ADAMTS20: variants seen among roughly 807,000 people sequenced by gnomAD.
The protein encoded by ADAMTS20 is A disintegrin and metalloproteinase with thrombospondin motifs 20.
ADAMTS20 carries 225 observed loss-of-function variants against 260.1 expected under a neutral mutation model. The ratio of observed to expected loss-of-function variants is 0.87; its 90% CI spans 0.78 to 0.97. ADAMTS20 has a LOEUF of 0.97. Ranked by LOEUF, ADAMTS20 falls within the 50% of genes least tolerant of loss-of-function variation. The pLI is 0.00. For missense variants in ADAMTS20, 2,400 were observed against 2,337.7 expected, an observed-to-expected ratio of 1.03 and a Z score of -0.55; for synonymous variants, 802 against 769.5, an observed-to-expected ratio of 1.04 and a Z score of -0.70.
chr12:43,532,539 AC>A lies in ADAMTS20; in HGVS notation c.454-345del, dbSNP rs1194589038. ...GCTTTTGATCTGTGGGAAAATAGAT[AC>A]TTTTTTTTTTTAATGTTTTTTTTTT... is the stretch of plus-strand genomic sequence containing the variant. On this transcript the variant is annotated intron_variant, in intron 2 of 38. Coordinates refer to ENST00000389420, the MANE Select transcript of ADAMTS20 (RefSeq NM_025003.5). 4.5e-4 allele frequency among the ~76,000 whole-genome samples: 12 copies of A among 26,676 alleles called. No homozygotes were observed. In the Admixed American group the frequency reaches 5.1e-3, roughly 11 times the overall value. The allele number at this position is 26,676 out of a possible 152,430, so 17.5% of individuals were successfully genotyped here.
intron 7 of ADAMTS20, among the ~76,000 whole-genome samples, chr12:43,484,984 A>T (rs1426911766): frequency 2.0e-5 from 3 of 151,922 alleles, no homozygotes; most frequent in African/African-American, 7.2e-5. Context: ...TTCAAACAAG[A>T]ATTAGTATCA....
chr12:43,362,576 T>G (rs1474357521), intron 37 of ADAMTS20, among the ~76,000 whole-genome samples: 1 of 152,124 alleles, frequency 6.6e-6, no homozygotes, highest in Non-Finnish European at 1.5e-5. Flanking sequence ...ATGGACACTC[T>G]CTCCAGTGAA....
intron 31 of ADAMTS20, among the ~76,000 whole-genome samples, chr12:43,379,546 A>G (rs1347859537): frequency 1.3e-5 from 2 of 152,142 alleles, no homozygotes; most frequent in Admixed American, 6.6e-5. Context: ...ATGAGTGTTG[A>G]AGGCCACACC....
Position 43,425,576 on chromosome 12 carries a change from T to C in ADAMTS20, c.4222A>G (p.Ile1408Val), listed in dbSNP as rs762796905. Residue 1408 changes from isoleucine to valine, a missense_variant, in exon 28 of 39, where the codon ATA (isoleucine) becomes GTA (valine). Coordinates refer to ENST00000389420, the MANE Select transcript of ADAMTS20 (RefSeq NM_025003.5). Reference sequence around the variant, plus strand: ...GGGCAAGCATGCATATGACACTGTATTACGCTAGGTGGCTTGTTTACAATT... The same window carrying C: ...GGGCAAGCATGCATATGACACTGTACTACGCTAGGTGGCTTGTTTACAATT... Reference protein sequence around the residue: ...CEIVNKPPSVIQCHMHACPAD... With the variant: ...CEIVNKPPSVVQCHMHACPAD... The C allele has an allele frequency of 1.9e-5, 31 of 1,608,414 alleles. No individual in the cohort carries two copies. The highest frequency in any genetic ancestry group is 2.4e-5 in the Non-Finnish European group (28 of 1,176,634).
chr12:43,421,292 A>AAAAAAAAC (rs1268068395), intron 28 of ADAMTS20, among the ~76,000 whole-genome samples: 4 of 151,566 alleles, frequency 2.6e-5, no homozygotes, highest in Non-Finnish European at 4.4e-5. Flanking sequence ...CAAAAAAAAA[A>AAAAAAAAC]AAAAAACTTT....
At chr12:43,448,373 C>G (rs1216710018) in intron 14 of ADAMTS20, among the ~76,000 whole-genome samples, 2 of 151,942 alleles carry the variant, frequency 1.3e-5, no homozygotes, top group Non-Finnish European at 2.9e-5. Context: ...CAAAGCTGAT[C>G]AAAACAAGCA....
intron 29 of ADAMTS20, among the ~76,000 whole-genome samples, chr12:43,386,744 A>G (rs1469852993): frequency 6.6e-6 from 1 of 152,046 alleles, no homozygotes; most frequent in African/African-American, 2.4e-5. Flanking sequence ...TTGATCTTCA[A>G]TTTCTGATAT....
At chr12:43,504,630 T>C (rs1374609484) in intron 3 of ADAMTS20, among the ~76,000 whole-genome samples, 1 of 152,220 alleles carries the variant, frequency 6.6e-6, no homozygotes, top group Non-Finnish European at 1.5e-5. Flanking sequence ...ATTTATGCTT[T>C]GATTTATTTG....
At chr12:43,452,799 TCCC>T in intron 12 of ADAMTS20, 104 bp from the exon 13 acceptor site, 1 of 1,040,734 alleles carries the variant, frequency 9.6e-7, no homozygotes, top group Non-Finnish European at 1.4e-6. Context: ...ACCAGTGAAG[TCCC>T]ACTAACACTT....
chr12:43,455,291 C>A (rs900449851), intron 11 of ADAMTS20, among the ~76,000 whole-genome samples: 4 of 152,124 alleles, frequency 2.6e-5, no homozygotes, highest in African/African-American at 7.2e-5. Flanking sequence ...TAAGAATACC[C>A]AAGATTGGAT....
chr12:43,354,330 C>G (rs1282906036), intron 38 of ADAMTS20, 32 bp from the exon 39 acceptor site: 1 of 1,473,208 alleles, frequency 6.8e-7, no homozygotes, highest in Admixed American at 2.0e-5. Flanking sequence ...ACAGAAGAAT[C>G]TTATACAAGC....
Position 43,483,706 on chromosome 12 carries a change from C to T in ADAMTS20, c.1117+6689G>A, listed in dbSNP as rs78436560. On this transcript the variant is annotated intron_variant, in intron 7 of 38. Transcript: ENST00000389420. Reference sequence around the variant, plus strand: ...TCCTGCTGGCTTGGAAGGAGAGTCACGGTGGCTCCTTCTCTTCCCCTTGAA... The same window carrying T: ...TCCTGCTGGCTTGGAAGGAGAGTCATGGTGGCTCCTTCTCTTCCCCTTGAA... Among the ~76,000 whole-genome samples, 695 of 152,228 alleles carry T rather than the reference C, an allele frequency of 4.6e-3. 6 individuals are homozygous for T. Among genetic ancestry groups the T allele is most frequent in the African/African-American group, 0.015 (631 of 41,532 alleles).
rs1013974169 is a variant in ADAMTS20, at chr12:43,425,580, G to A, written c.4218C>T (p.Ser1406=). The A allele has an allele frequency of 6.2e-6, 10 of 1,608,528 alleles. No individual in the cohort carries two copies. Among genetic ancestry groups the A allele is most frequent in the East Asian group, 2.2e-5 (1 of 44,708 alleles). ...HNCEIVNKPP[S]VIQCHMHACP... is the part of the protein sequence containing the mutation. The stretch of plus-strand genomic sequence containing the variant: ...AAGCATGCATATGACACTGTATTAC[G>A]CTAGGTGGCTTGTTTACAATTTCAC... The change falls in exon 28 of 39, where the codon AGC becomes AGT. Residue 1406 remains serine (S), a synonymous_variant. Transcript: ENST00000389420.
At chr12:43,463,111 A>G (rs988828673) in intron 10 of ADAMTS20, 112 bp from the exon 11 acceptor site, 4 of 656,984 alleles carry the variant, frequency 6.1e-6, no homozygotes, top group Admixed American at 6.7e-5. Context: ...GTTCCATGGT[A>G]TAAGCTGAAA....
chr12:43,407,973 C>G (rs1940950015), intron 28 of ADAMTS20, among the ~76,000 whole-genome samples: 2 of 152,132 alleles, frequency 1.3e-5, no homozygotes, highest in African/African-American at 4.8e-5. Context: ...ATCTGTTTAG[C>G]AAGTGAAACT....
At chr12:43,476,835 G>T (rs965775806) in intron 7 of ADAMTS20, among the ~76,000 whole-genome samples, 10 of 150,072 alleles carry the variant, frequency 6.7e-5, no homozygotes, top group African/African-American at 2.5e-4. Flanking sequence ...CCACACTCTG[G>T]GGACTGTGGT....
chr12:43,508,261 A>C (rs1406566984), intron 3 of ADAMTS20, among the ~76,000 whole-genome samples: 1 of 152,238 alleles, frequency 6.6e-6, no homozygotes. Context: ...ATAAATTTTT[A>C]AAGAATATTA....
intron 3 of ADAMTS20, among the ~76,000 whole-genome samples, chr12:43,504,029 T>G (rs1307936537): frequency 6.6e-6 from 1 of 152,158 alleles, no homozygotes; most frequent in African/African-American, 2.4e-5. Flanking sequence ...AACATACACA[T>G]GCATGTGTCT....
chr12:43,454,326 C>T (rs1026191263), intron 11 of ADAMTS20, among the ~76,000 whole-genome samples: 2 of 152,052 alleles, frequency 1.3e-5, no homozygotes, highest in East Asian at 1.9e-4. Context: ...TGGAATATGG[C>T]GGGTATTTTT....
Sources: gnomAD v4.1 joint callset for allele counts (sites outside exome capture counted in the v4.1 genomes callset) on GRCh38, gnomAD v4.1.1 for gene constraint, MANE v1.5 for transcripts, NCBI Gene and HGNC (gene_info 2026-07-23, HGNC 2026-07-21) for gene names.